Variants in LAMA1 observed in about 807,000 individuals in gnomAD.
LAMA1 encodes the protein laminin subunit alpha 1, also known as laminin subunit alpha-1.
Under a neutral mutation model 348.7 loss-of-function variants are expected in LAMA1, and 219 were observed. The observed-to-expected ratio is 0.63, with a 90% CI of 0.56 to 0.70. LAMA1 has a LOEUF of 0.70. Ranked by LOEUF, LAMA1 falls within the 30% of genes least tolerant of loss-of-function variation. The pLI, the probability that LAMA1 is intolerant of heterozygous loss-of-function variation, is 0.00. For missense variants in LAMA1, 3,744 were observed against 3,888.0 expected, an observed-to-expected ratio of 0.96 and a Z score of 0.99; for synonymous variants, 1,487 against 1,491.0, an observed-to-expected ratio of 1.00 and a Z score of 0.06.
intron 5 of LAMA1, among the ~76,000 whole-genome samples, chr18:7,048,670 A>G (rs892351022): frequency 2.0e-5 from 3 of 152,210 alleles, no homozygotes; most frequent in Admixed American, 6.5e-5. Context: ...TTTTTGCGAC[A>G]CCAGTCTTAC....
rs773357590 is a variant in LAMA1 at position 6,995,406 on chromosome 18, T to C, written c.4847A>G (p.Lys1616Arg). 14 of 1,613,322 alleles carry C rather than the reference T, an allele frequency of 8.7e-6. No homozygotes were observed. The highest frequency in any genetic ancestry group is 1.2e-5 in the Non-Finnish European group (14 of 1,179,232). ...LKENMQKDLG[K>R]IKLEGVAEET... ...TTCTGCAACACCTTCAAGCTTAATT[T>C]TTCCCAGGTCCTTTTGCATATTTTC... is the stretch of plus-strand genomic sequence containing the variant. Residue 1616 changes from lysine (K) to arginine (R), a missense_variant, in exon 34 of 63, where the codon AAA becomes AGA. Transcript: ENST00000389658.
At chr18:7,041,999 C>T (rs935809208) in intron 9 of LAMA1, 146 bp downstream of exon 9, 15 of 674,986 alleles carry the variant, frequency 2.2e-5, no homozygotes, top group African/African-American at 2.1e-4. Flanking sequence ...CTGCCTGACA[C>T]ATAGTAGGTG....
chr18:7,019,835 C>T (rs960829753), intron 19 of LAMA1, among the ~76,000 whole-genome samples: 3 of 151,806 alleles, frequency 2.0e-5, no homozygotes, highest in African/African-American at 7.3e-5. Flanking sequence ...GCACTCACCA[C>T]CACGCCCAGC....
At chr18:7,110,422 A>C (rs1380974993) in intron 1 of LAMA1, among the ~76,000 whole-genome samples, 1 of 152,246 alleles carries the variant, frequency 6.6e-6, no homozygotes, top group Non-Finnish European at 1.5e-5. Context: ...CAGGGAGGGC[A>C]GCCATCTGGA....
chr18:7,026,050 G>C lies in LAMA1; in HGVS notation c.2331C>G (p.Tyr777Ter). The C allele has an allele frequency of 6.2e-7, 1 of 1,610,060 alleles. No individual in the cohort carries two copies. Residue 777 changes from tyrosine to a stop codon, truncating the protein, a stop_gained, in exon 17 of 63, where the codon TAC becomes TAG. Transcript: ENST00000389658. LOFTEE classifies it high-confidence loss of function. ...CAGGTGTCCCTCGGGAAGGCTCCCC[G>C]TAGAAGCCGGGCAAGCACTGCTCAC... Reference protein sequence around the residue: ...VHCEQCLPGFYGEPSRGTPGD... With the variant: ...VHCEQCLPGF
chr18:7,028,746 T>A (rs584281), intron 16 of LAMA1, among the ~76,000 whole-genome samples: 3 of 152,206 alleles, frequency 2.0e-5, no homozygotes, highest in African/African-American at 7.2e-5. Flanking sequence ...TAAAAGAAAG[T>A]GCAGTCGGTG....
At position 6,961,603 on chromosome 18, in the gene LAMA1, G is replaced by T; in HGVS notation, c.7609C>A (p.Arg2537Ser). The T allele has an allele frequency of 6.2e-7, 1 of 1,613,632 alleles. No homozygotes were observed. The highest frequency in any genetic ancestry group is 2.2e-5 in the East Asian group (1 of 44,870). Residue 2537 changes from arginine (R) to serine (S), a missense_variant, in exon 53 of 63, where the codon CGT becomes AGT. Around this residue, in one of 3 missense-constraint regions of LAMA1, gnomAD observed 1,983 missense variants for 1,934.3 expected, o/e 1.03. Transcript: ENST00000389658. ...LGGDVEKRGD[R>S]EEAHVPFFSV... ...CTACTCACCACGTGTGCTTCCTCAC[G>T]ATCACCCCGCTTCTCCACATCCCCG...
intron 60 of LAMA1, 123 bp downstream of exon 60, chr18:6,948,280 T>A (rs1014751467): frequency 3.8e-6 from 5 of 1,308,934 alleles, no homozygotes; most frequent in Non-Finnish European, 4.3e-6. Flanking sequence ...ACTGGAATAC[T>A]AAACTCAATG....
intron 3 of LAMA1, among the ~76,000 whole-genome samples, chr18:7,060,297 A>G (rs577191088): frequency 6.6e-6 from 1 of 152,380 alleles, no homozygotes; most frequent in East Asian, 1.9e-4. Flanking sequence ...AAACAGCTTC[A>G]TAAACGAGAA....
At chr18:7,087,383 T>C (rs769512192) in intron 1 of LAMA1, among the ~76,000 whole-genome samples, 1 of 152,062 alleles carries the variant, frequency 6.6e-6, no homozygotes, top group Non-Finnish European at 1.5e-5. Flanking sequence ...ATAAGATGAG[T>C]TGGAAGAGAA....
chr18:7,074,866 C>A (rs2058160444), intron 3 of LAMA1, among the ~76,000 whole-genome samples: 1 of 148,154 alleles, frequency 6.7e-6, no homozygotes, highest in Non-Finnish European at 1.5e-5. Flanking sequence ...AGTAGTTAAA[C>A]CTTATTGCAA....
At chr18:7,052,529 C>T (rs2058066036) in intron 3 of LAMA1, among the ~76,000 whole-genome samples, 1 of 151,664 alleles carries the variant, frequency 6.6e-6, no homozygotes, top group African/African-American at 2.4e-5. Context: ...GAGTTCGAGA[C>T]CAGCCTGACC....
At chr18:6,985,852 A>G in intron 37 of LAMA1, among the ~76,000 whole-genome samples, 1 of 152,146 alleles carries the variant, frequency 6.6e-6, no homozygotes, top group Admixed American at 6.5e-5. Flanking sequence ...TCCATCTCCC[A>G]AGTTCAAGCG....
chr18:6,978,833 T>C (rs1030384324), intron 42 of LAMA1, among the ~76,000 whole-genome samples: 1 of 152,162 alleles, frequency 6.6e-6, no homozygotes, highest in Non-Finnish European at 1.5e-5. Context: ...AGGATTTGGA[T>C]CCTAGGTCTG....
chr18:7,072,554 T>C (rs1291562001), intron 3 of LAMA1, among the ~76,000 whole-genome samples: 1 of 152,216 alleles, frequency 6.6e-6, no homozygotes, highest in Non-Finnish European at 1.5e-5. Flanking sequence ...ATACCTAGTT[T>C]GTAATGTATT....
At chr18:6,956,801 A>G in intron 55 of LAMA1, 36 bp from the exon 56 acceptor site, 2 of 1,613,240 alleles carry the variant, frequency 1.2e-6, no homozygotes, top group East Asian at 2.2e-5. Flanking sequence ...CAAAATTAGG[A>G]TATCACAAAC....
At chr18:7,020,212 C>T (rs1181728973) in intron 19 of LAMA1, among the ~76,000 whole-genome samples, 1 of 152,144 alleles carries the variant, frequency 6.6e-6, no homozygotes, top group East Asian at 1.9e-4. Flanking sequence ...CAGTGCTCTA[C>T]TCTACCTGGA....
At chr18:7,083,619 T>C (rs1048266953) in intron 1 of LAMA1, among the ~76,000 whole-genome samples, 1 of 152,214 alleles carries the variant, frequency 6.6e-6, no homozygotes. Flanking sequence ...TGGGTTGTCT[T>C]TCACTAAAAC....
At chr18:7,056,390 T>C (rs1245745762) in intron 3 of LAMA1, among the ~76,000 whole-genome samples, 3 of 152,192 alleles carry the variant, frequency 2.0e-5, no homozygotes, top group Admixed American at 2.0e-4. Flanking sequence ...CACTTGAATA[T>C]GGAAAGAACT....
Sources: gnomAD v4.1 joint callset for allele counts (sites outside exome capture counted in the v4.1 genomes callset) on GRCh38, gnomAD v4.1.1 for gene constraint, gnomAD v4.1.1 regional missense constraint, MANE v1.5 for transcripts, NCBI Gene and HGNC (gene_info 2026-07-23, HGNC 2026-07-21) for gene names.